Variants in FGFR1 observed in about 807,000 individuals in gnomAD.
The protein encoded by FGFR1 is FGFR1/PLAG1 fusion.
Under a neutral mutation model 93.7 loss-of-function variants are expected in FGFR1, and 18 were observed. The ratio of observed to expected loss-of-function variants is 0.19; its 90% confidence interval spans 0.13 to 0.28. The LOEUF (loss-of-function observed/expected upper bound fraction) is 0.28, where lower values mean the gene tolerates loss of function less well. Among genes scored for constraint, FGFR1 ranks in the 10% least tolerant of loss-of-function variants. The pLI is 1.00. For missense variants in FGFR1, 731 were observed against 1,080.4 expected, an observed-to-expected ratio of 0.68 and a Z score of 4.53; for synonymous variants, 448 against 429.3, an observed-to-expected ratio of 1.04 and a Z score of -0.54.
chr8:38,435,364 C>T (rs1195750965), intron 2 of FGFR1: 3 of 152,226 alleles, frequency 2.0e-5, no homozygotes, highest in African/African-American at 4.8e-5. Flanking sequence ...ATCAGACTAA[C>T]CTCGGGTTCT....
At chr8:38,454,973 CTT>C (rs11434747) in intron 2 of FGFR1, among the ~76,000 whole-genome samples, 2 of 111,170 alleles carry the variant, frequency 1.8e-5, no homozygotes, top group Non-Finnish European at 3.6e-5. Flanking sequence ...TCTTTTCTTG[CTT>C]TTTTTTTTTT....
intron 2 of FGFR1, among the ~76,000 whole-genome samples, chr8:38,448,486 G>A (rs549270764): frequency 6.6e-6 from 1 of 152,126 alleles, no homozygotes; most frequent in South Asian, 2.1e-4. Context: ...CGCCAGGCTG[G>A]CCAGTGCTGG....
At chr8:38,447,468 G>A (rs1829725842) in intron 2 of FGFR1, among the ~76,000 whole-genome samples, 1 of 152,148 alleles carries the variant, frequency 6.6e-6, no homozygotes, top group African/African-American at 2.4e-5. Flanking sequence ...AGCATGCAGA[G>A]TGTGGAGATG....
At chr8:38,417,653 C>T (rs1040131992) in intron 11 of FGFR1, 12 of 752,968 alleles carry the variant, frequency 1.6e-5, no homozygotes, top group Non-Finnish European at 2.7e-5. Flanking sequence ...AGGATAAACA[C>T]CTGACCACAG....
At chr8:38,451,258 G>A (rs1252976800) in intron 2 of FGFR1, among the ~76,000 whole-genome samples, 12 of 152,052 alleles carry the variant, frequency 7.9e-5, no homozygotes, top group Non-Finnish European at 5.9e-5. Context: ...GGTGGGAGTA[G>A]GGGAGGGTCT....
rs780765366 is a variant in FGFR1, at chr8:38,429,690, T to C, written c.350A>G (p.Asn117Ser). 26 of 1,567,548 alleles carry C rather than the reference T, an allele frequency of 1.7e-5. No homozygotes were observed. In the Admixed American group the frequency reaches 3.8e-4, roughly 23 times the overall value. Residue 117 changes from asparagine to serine, a missense_variant, in exon 3 of 18, where the codon AAT becomes AGT. Physicochemically the swap from Asn to Ser is conservative, Grantham distance 46. Around this residue, in one of 10 missense-constraint regions of FGFR1, gnomAD observed 212 missense variants for 205.8 expected, o/e 1.03. Coordinates refer to ENST00000447712, the MANE Select transcript of FGFR1 (RefSeq NM_023110.3). This position sits in a 1 kb window ranked among gnomAD's most constrained non-coding sequence, Gnocchi z 4.4. Reference protein sequence around the residue: ...SGSDTTYFSVNVSDALPSSED... With the variant: ...SGSDTTYFSVSVSDALPSSED... ...AGGGCTTGGCTACCAACCTGAAACA[T>C]TGACGGAGAAGTAGGTGGTGTCACT...
intron 2 of FGFR1, among the ~76,000 whole-genome samples, chr8:38,432,917 C>CCCA (rs1180294926): frequency 4.2e-4 from 60 of 142,594 alleles, no homozygotes; most frequent in African/African-American, 1.5e-3. Context: ...CGCCCCCCCC[C>CCCA]CTCCCCAGTT....
intron 2 of FGFR1, among the ~76,000 whole-genome samples, chr8:38,452,724 C>T (rs1831474142): frequency 6.6e-6 from 1 of 152,060 alleles, no homozygotes; most frequent in African/African-American, 2.4e-5. Context: ...CACCTGTAAT[C>T]CCAGCACTTT....
In FGFR1 at chr8:38,414,836, T is replaced by A; in HGVS notation, c.1920A>T (p.Ala640=). ...GAATGTCCCGTGCGAGGCCAAAGTC[T>A]GCTATCTTCATCACATTGTCCTCTG... ...LVTEDNVMKI[A]DFGLARDIHH... The change falls in exon 14 of 18, where the codon GCA becomes GCT. Residue 640 remains alanine, a synonymous_variant. Coordinates refer to ENST00000447712, the MANE Select transcript of FGFR1 (RefSeq NM_023110.3). 6.2e-7 allele frequency: 1 copy of A among 1,613,832 alleles called. No homozygotes were observed. Among genetic ancestry groups the A allele is most frequent in the Non-Finnish European group, 8.5e-7 (1 of 1,180,018 alleles).
Position 38,412,764 on chromosome 8 carries a change from C to A in FGFR1, c.*864G>T, listed in dbSNP as rs1586070018. Reference sequence around the variant, plus strand: ...AGCAATTTTTATTGAGGGACCTAAACTGAAAATAGGTTTAGAACATAATTT... The same window carrying A: ...AGCAATTTTTATTGAGGGACCTAAAATGAAAATAGGTTTAGAACATAATTT... On this transcript the variant is annotated 3_prime_UTR_variant, in exon 18 of 18. Transcript: ENST00000447712. The A allele has an allele frequency of 8.6e-6, 2 of 233,534 alleles. No homozygotes were observed. Among genetic ancestry groups the A allele is most frequent in the East Asian group, 1.2e-4 (2 of 16,576 alleles). The allele number at this position is 233,534 out of a possible 1,614,324, so 14.5% of individuals were successfully genotyped here.
At chr8:38,441,132 A>C (rs1827306268) in intron 2 of FGFR1, among the ~76,000 whole-genome samples, 1 of 148,770 alleles carries the variant, frequency 6.7e-6, no homozygotes, top group South Asian at 2.2e-4. Flanking sequence ...TGGGAATCGC[A>C]GGCGCCAAGA....
intron 2 of FGFR1, among the ~76,000 whole-genome samples, chr8:38,432,996 C>T (rs536652333): frequency 8.0e-5 from 12 of 149,914 alleles, no homozygotes; most frequent in Middle Eastern, 3.6e-3. Flanking sequence ...GGACTGTCAG[C>T]GCCACTCCAG....
At chr8:38,422,706 G>T in intron 7 of FGFR1, 1 of 349,954 alleles carries the variant, frequency 2.9e-6, no homozygotes, top group Non-Finnish European at 5.2e-6. Context: ...CTGGCCTATG[G>T]CCCCTTCTCT....
intron 7 of FGFR1, chr8:38,422,833 G>A: frequency 1.7e-6 from 1 of 574,818 alleles, no homozygotes; most frequent in Non-Finnish European, 3.1e-6. Context: ...AGAAGGCAGA[G>A]AGGGAACCCA....
At chr8:38,443,835 CAT>C (rs1255996477) in intron 2 of FGFR1, among the ~76,000 whole-genome samples, 1 of 152,072 alleles carries the variant, frequency 6.6e-6, no homozygotes, top group Non-Finnish European at 1.5e-5. Flanking sequence ...GGGCGGATCA[CAT>C]GAGGTCAGGA....
In FGFR1 at chr8:38,424,455, G is replaced by T; in HGVS notation, c.936+54C>A. 1 of 1,604,538 alleles carries T rather than the reference G, an allele frequency of 6.2e-7. No individual in the cohort carries two copies. The highest frequency in any genetic ancestry group is 8.5e-7 in the Non-Finnish European group (1 of 1,171,466). ...TGCCCACAGGAACTTGAGCCCCCGA[G>T]ACAGTGGTCTCCTTCCCAGTAGACT... is the stretch of plus-strand genomic sequence containing the variant. On this transcript the variant is annotated intron_variant, in intron 7 of 17. Coordinates refer to ENST00000447712, the MANE Select transcript of FGFR1 (RefSeq NM_023110.3). The surrounding 1 kb of genome is among the most constrained non-coding windows in gnomAD (Gnocchi z 4.3).
At position 38,426,248 on chromosome 8, in the gene FGFR1, G is replaced by A. The variant is rs2150866795; in HGVS notation, c.622-3C>T. On this transcript the variant is annotated splice_region_variant and splice_polypyrimidine_tract_variant and intron_variant, in intron 5 of 17. Coordinates refer to ENST00000447712, the MANE Select transcript of FGFR1 (RefSeq NM_023110.3). This position sits in a 1 kb window ranked among gnomAD's most constrained non-coding sequence, Gnocchi z 4.1. The stretch of plus-strand genomic sequence containing the variant: ...ATGCTCCAGGTGGCATAACGGACCT[G>A]AGGGGAAATGCCAAAGGGATACATT... The A allele has an allele frequency of 1.2e-6, 2 of 1,614,092 alleles. No individual in the cohort carries two copies. Among genetic ancestry groups the A allele is most frequent in the East Asian group, 2.2e-5 (1 of 44,880 alleles).
chr8:38,423,506 G>C, intron 7 of FGFR1: 1 of 284,290 alleles, frequency 3.5e-6, no homozygotes, highest in South Asian at 3.4e-5. Context: ...ATTTTTAGTA[G>C]AGATGGGGTT....
intron 2 of FGFR1, chr8:38,435,532 G>C (rs1437514565): frequency 6.6e-6 from 1 of 152,256 alleles, no homozygotes; most frequent in East Asian, 1.9e-4. Context: ...CAGTGGCCCT[G>C]AACTTGGGGA....
Sources: allele counts gnomAD v4.1 joint callset (sites outside exome capture counted in the v4.1 genomes callset), GRCh38; gene constraint gnomAD v4.1.1; regional missense constraint gnomAD v4.1.1; non-coding constraint Gnocchi (gnomAD v3.1); transcripts MANE v1.5; gene names NCBI Gene and HGNC (gene_info 2026-07-23, HGNC 2026-07-21).